PLCL1: variants seen among roughly 807,000 people sequenced by gnomAD.
PLCL1 encodes phospholipase C like 1 (inactive), also known as inactive phospholipase C-like protein 1.
Under a neutral mutation model 84.4 loss-of-function variants are expected in PLCL1, and 41 were observed. That is an observed-to-expected ratio of 0.49 (90% CI 0.38 to 0.63). The LOEUF is 0.63. Ranked by LOEUF, PLCL1 falls within the 30% of genes least tolerant of loss-of-function variation. The probability of loss-of-function intolerance (pLI) is 0.00; values close to 1 mark genes in which losing one functional copy is unlikely to be tolerated. For synonymous variants in PLCL1, 490 were observed against 488.3 expected (o/e 1.00, Z -0.05); for missense variants, 1,206 against 1,367.8 (o/e 0.88, Z 1.87).
intron 1 of PLCL1, among the ~76,000 whole-genome samples, chr2:197,924,073 T>TTGCAGTGAGCC (rs1292734013): frequency 7.4e-6 from 1 of 134,680 alleles, no homozygotes; most frequent in Non-Finnish European, 1.6e-5. Flanking sequence ...GGCAGGGAGG[T>TTGCAGTGAGCC]TGCAGTGAGC....
chr2:198,066,775 T>C (rs905623389), intron 1 of PLCL1, among the ~76,000 whole-genome samples: 4 of 152,122 alleles, frequency 2.6e-5, no homozygotes, highest in African/African-American at 9.7e-5. Context: ...GATCTTCCCG[T>C]GCTGTTTCTT....
intron 1 of PLCL1, among the ~76,000 whole-genome samples, chr2:197,949,962 T>G (rs1221225543): frequency 6.6e-6 from 1 of 152,126 alleles, no homozygotes; most frequent in Non-Finnish European, 1.5e-5. Flanking sequence ...GGAGTTGAGA[T>G]GACTTTGAGA....
At chr2:197,936,533 G>T (rs994242848) in intron 1 of PLCL1, among the ~76,000 whole-genome samples, 3 of 152,032 alleles carry the variant, frequency 2.0e-5, no homozygotes, top group Admixed American at 6.6e-5. Flanking sequence ...TATACCCGTT[G>T]GCCATTTGTA....
intron 1 of PLCL1, among the ~76,000 whole-genome samples, chr2:197,918,863 C>T (rs1431888669): frequency 1.3e-5 from 2 of 151,952 alleles, no homozygotes; most frequent in Non-Finnish European, 2.9e-5. Flanking sequence ...ATCACTTGAG[C>T]TTAGGAGGTT....
At chr2:197,912,565 C>G (rs1165124421) in intron 1 of PLCL1, among the ~76,000 whole-genome samples, 2 of 150,242 alleles carry the variant, frequency 1.3e-5, no homozygotes, top group Non-Finnish European at 3.0e-5. Flanking sequence ...CAATGATAGA[C>G]TGGATTAAGA....
chr2:198,058,571 AG>A (rs1362338621), intron 1 of PLCL1, among the ~76,000 whole-genome samples: 2 of 151,718 alleles, frequency 1.3e-5, no homozygotes, highest in Non-Finnish European at 2.9e-5. Flanking sequence ...AGTTTATAAA[AG>A]TAACAATTAT....
rs756508194 is a variant in PLCL1, at chr2:198,088,955, A to G, written c.2813A>G (p.Asp938Gly). 3.1e-6 allele frequency: 5 copies of G among 1,613,144 alleles called. No homozygotes were observed. Among genetic ancestry groups the G allele is most frequent in the African/African-American group, 1.3e-5 (1 of 74,876 alleles). Residue 938 changes from aspartate to glycine, a missense_variant, in exon 3 of 6, where the codon GAC (aspartate) becomes GGC (glycine). Physicochemically the swap from Asp to Gly is moderately conservative, Grantham distance 94. Transcript: ENST00000428675. ...CTGTCATCTCGGCTCATCACCAGTG[A>G]CAATACTCCTTCAGTCTCACTTGTG... is the stretch of plus-strand genomic sequence containing the variant. ...LTLSSRLITS[D>G]NTPSVSLVMK...
chr2:198,033,176 T>C (rs995050651), intron 1 of PLCL1, among the ~76,000 whole-genome samples: 1 of 152,202 alleles, frequency 6.6e-6, no homozygotes, highest in African/African-American at 2.4e-5. Context: ...ACAGATAAAA[T>C]GCAATCAGAG....
intron 1 of PLCL1, among the ~76,000 whole-genome samples, chr2:197,876,481 T>A (rs1687733877): frequency 6.6e-6 from 1 of 152,182 alleles, no homozygotes; most frequent in African/African-American, 2.4e-5. Context: ...CTTTGTATTC[T>A]TAGAGAACAT....
intron 5 of PLCL1, among the ~76,000 whole-genome samples, chr2:198,108,872 T>A (rs1693552385): frequency 6.6e-6 from 1 of 151,912 alleles, no homozygotes. Flanking sequence ...TAGCAGTCAA[T>A]TTGCTCTTCC....
chr2:198,139,332 A>G (rs1366300837), intron 5 of PLCL1, among the ~76,000 whole-genome samples: 2 of 152,146 alleles, frequency 1.3e-5, no homozygotes, highest in African/African-American at 4.8e-5. Context: ...TGCAAATACA[A>G]CTAGTCTATT....
At chr2:198,124,256 A>G (rs892311232) in intron 5 of PLCL1, among the ~76,000 whole-genome samples, 4 of 152,128 alleles carry the variant, frequency 2.6e-5, no homozygotes, top group African/African-American at 9.7e-5. Context: ...TTATCGCTCA[A>G]CAAATACACA....
intron 1 of PLCL1, among the ~76,000 whole-genome samples, chr2:198,009,807 A>G (rs1214728377): frequency 2.0e-5 from 3 of 152,058 alleles, no homozygotes; most frequent in African/African-American, 4.8e-5. Flanking sequence ...CTTTCAACCC[A>G]TGAGCATGGG....
At chr2:198,096,075 G>A (rs1362993725) in intron 3 of PLCL1, among the ~76,000 whole-genome samples, 1 of 152,184 alleles carries the variant, frequency 6.6e-6, no homozygotes, top group African/African-American at 2.4e-5. Context: ...CCTACTATGT[G>A]CAAGGCAGTG....
intron 1 of PLCL1, among the ~76,000 whole-genome samples, chr2:197,834,196 T>A (rs1691132784): frequency 6.6e-6 from 1 of 151,950 alleles, no homozygotes; most frequent in Non-Finnish European, 1.5e-5. Flanking sequence ...ACATAATACC[T>A]AAAACCATAA....
At chr2:197,829,828 A>T (rs79315160) in intron 1 of PLCL1, among the ~76,000 whole-genome samples, 2,250 of 152,188 alleles carry the variant, frequency 0.015, 60 homozygotes, top group African/African-American at 0.051. Flanking sequence ...ATGCTATGGG[A>T]CATATTTTTT....
chr2:198,145,941 A>G (rs1010823007), intron 5 of PLCL1, among the ~76,000 whole-genome samples: 4 of 152,090 alleles, frequency 2.6e-5, no homozygotes, highest in Non-Finnish European at 5.9e-5. Flanking sequence ...GGAAGAAGCT[A>G]CTTCTTCCTC....
intron 1 of PLCL1, among the ~76,000 whole-genome samples, chr2:197,877,225 T>G (rs1194339477): frequency 6.6e-6 from 1 of 152,154 alleles, no homozygotes; most frequent in African/African-American, 2.4e-5. Context: ...TTATAATTGC[T>G]GATGAGTCAT....
intron 1 of PLCL1, among the ~76,000 whole-genome samples, chr2:197,881,282 A>G (rs1687822946): frequency 6.6e-6 from 1 of 152,198 alleles, no homozygotes; most frequent in East Asian, 1.9e-4. Flanking sequence ...GAGGTTAACC[A>G]AACAATCTTG....
Sources: gnomAD v4.1 joint callset for allele counts (sites outside exome capture counted in the v4.1 genomes callset) on GRCh38, gnomAD v4.1.1 for gene constraint, MANE v1.5 for transcripts, NCBI Gene and HGNC (gene_info 2026-07-23, HGNC 2026-07-21) for gene names.